AURKC: variants seen among roughly 807,000 people sequenced by gnomAD.
The protein encoded by AURKC is ARK-3.
A neutral mutation model predicts 29.2 loss-of-function variants in AURKC; 15 were observed. That is an observed-to-expected ratio of 0.51 (90% CI 0.34 to 0.79). The LOEUF (loss-of-function observed/expected upper bound fraction) is 0.79. Among genes scored for constraint, AURKC ranks in the 30% least tolerant of loss-of-function variants. The pLI, the probability that AURKC is intolerant of heterozygous loss-of-function variation, is 0.01. For missense variants in AURKC, 332 were observed against 383.2 expected, an observed-to-expected ratio of 0.87 and a Z score of 1.12; for synonymous variants, 150 against 149.9, an observed-to-expected ratio of 1.00 and a Z score of -0.01.
In AURKC at chr19:57,235,451, C is replaced by A; in HGVS notation, c.*34C>A. Reference sequence around the variant, plus strand: ...TGCCTCTGTTCCCTTTGTGTGTGTTCAGGGAGCTCTCCTGGCTCTGCCACC... The same window carrying A: ...TGCCTCTGTTCCCTTTGTGTGTGTTAAGGGAGCTCTCCTGGCTCTGCCACC... On this transcript the variant is annotated 3_prime_UTR_variant, in exon 7 of 7. Coordinates refer to ENST00000302804, the MANE Select transcript of AURKC (RefSeq NM_001015878.2). The A allele has an allele frequency of 6.2e-7, 1 of 1,612,040 alleles. No individual in the cohort carries two copies. Among genetic ancestry groups the A allele is most frequent in the South Asian group, 1.1e-5 (1 of 90,986 alleles).
chr19:57,231,620 CCTT>C (rs2087491340), intron 1 of AURKC, 119 bp from the exon 2 acceptor site: 1 of 1,073,686 alleles, frequency 9.3e-7, no homozygotes, highest in Non-Finnish European at 1.4e-6. Flanking sequence ...TCTCTCCTCC[CCTT>C]CTTCCCCTCA....
chr19:57,234,846 T>C, intron 5 of AURKC, 38 bp from the exon 6 acceptor site: 1 of 1,613,304 alleles, frequency 6.2e-7, no homozygotes, highest in Non-Finnish European at 8.5e-7. Flanking sequence ...ATCCTGGGCC[T>C]CTGCTTAGTA....
Position 57,232,044 on chromosome 19 carries a change from C to G in AURKC, c.116C>G (p.Thr39Arg). 6.2e-7 allele frequency: 1 copy of G among 1,614,158 alleles called. No homozygotes were observed. The highest frequency in any genetic ancestry group is 8.5e-7 in the Non-Finnish European group (1 of 1,180,028). Reference protein sequence around the residue: ...QPSSPAMRRLTVDDFEIGRPL... With the variant: ...QPSSPAMRRLRVDDFEIGRPL... ...TCCTCTCCTGTCAGGCGGCGCCTCA[C>G]AGTCGATGACTTTGAAATCGGGCGT... Residue 39 changes from threonine (T) to arginine (R), a missense_variant, in exon 3 of 7, where the codon ACA becomes AGA. Thr to Arg is a moderately conservative substitution (Grantham distance 71). Transcript: ENST00000302804. This position sits in a 1 kb window ranked among gnomAD's most constrained non-coding sequence, Gnocchi z 4.5.
chr19:57,231,395 C>T, intron 1 of AURKC, 89 bp downstream of exon 1: 1 of 1,384,892 alleles, frequency 7.2e-7, no homozygotes, highest in Non-Finnish European at 1.0e-6. Flanking sequence ...GTTGACATCT[C>T]CCCTCCCTCT....
At chr19:57,233,095 A>G (rs1019128129) in intron 4 of AURKC, among the ~76,000 whole-genome samples, 1 of 152,216 alleles carries the variant, frequency 6.6e-6, no homozygotes, top group Admixed American at 6.5e-5. Flanking sequence ...TGGTCCAATC[A>G]GCTTGCTGTG....
chr19:57,232,740 C>A lies in AURKC; in HGVS notation c.435+60C>A. 2 of 1,608,548 alleles carry A rather than the reference C, an allele frequency of 1.2e-6. No individual in the cohort carries two copies. Among genetic ancestry groups the A allele is most frequent in the South Asian group, 2.2e-5 (2 of 90,814 alleles). ...AGTTTACTGTGGGCTGGTGGGAGCT[C>A]TGTTTGTGGCTGTCAGGAGGGTCCG... On this transcript the variant is annotated intron_variant, in intron 4 of 6. Coordinates refer to ENST00000302804, the MANE Select transcript of AURKC (RefSeq NM_001015878.2). The surrounding 1 kb of genome is among the most constrained non-coding windows in gnomAD (Gnocchi z 4.5).
Position 57,235,007 on chromosome 19 carries a change from T to C in AURKC, c.708T>C (p.Tyr236=). 1 of 1,614,158 alleles carries C rather than the reference T, an allele frequency of 6.2e-7. No individual in the cohort carries two copies. Among genetic ancestry groups the C allele is most frequent in the Non-Finnish European group, 8.5e-7 (1 of 1,180,020 alleles). ...GVLCYELLVG[Y]PPFESASHSE... is the part of the protein sequence containing the mutation. Reference sequence around the variant, plus strand: ...TCTGCTATGAGCTGCTGGTGGGATATCCACCCTTTGAGAGCGCCTCCCACA... The same window carrying C: ...TCTGCTATGAGCTGCTGGTGGGATACCCACCCTTTGAGAGCGCCTCCCACA... Residue 236 remains tyrosine, a synonymous_variant, in exon 6 of 7, where the codon TAT becomes TAC. Transcript: ENST00000302804.
At position 57,231,281 on chromosome 19, in the gene AURKC, C is replaced by T. The variant is rs1243403970; in HGVS notation, c.33C>T (p.Gly11=). Residue 11 remains glycine, a synonymous_variant, in exon 1 of 7, where the codon GGC becomes GGT. Coordinates refer to ENST00000302804, the MANE Select transcript of AURKC (RefSeq NM_001015878.2). MSSPRAVVQL[G]KAQPAGEELA... Reference sequence around the variant, plus strand: ...CCCCCAGAGCTGTGGTGCAGCTGGGCAAAGCTCAACCTGCAGGCGAAGAGT... The same window carrying T: ...CCCCCAGAGCTGTGGTGCAGCTGGGTAAAGCTCAACCTGCAGGCGAAGAGT... The T allele has an allele frequency of 6.4e-7, 1 of 1,552,910 alleles. No homozygotes were observed. The highest frequency in any genetic ancestry group is 2.4e-5 in the East Asian group (1 of 40,952).
intron 5 of AURKC, among the ~76,000 whole-genome samples, chr19:57,234,274 T>TC (rs1422384517): frequency 6.6e-6 from 1 of 152,074 alleles, no homozygotes; most frequent in Non-Finnish European, 1.5e-5. Context: ...CAGGCTGGTC[T>TC]CCAACTCCTG....
At chr19:57,234,778 C>G (rs2087529576) in intron 5 of AURKC, 106 bp from the exon 6 acceptor site, 1 of 1,403,882 alleles carries the variant, frequency 7.1e-7, no homozygotes, top group Non-Finnish European at 9.9e-7. Context: ...GAGGGACTTT[C>G]CAGGGTGTCC....
At position 57,232,764 on chromosome 19, in the gene AURKC, C is replaced by T. The variant is rs7246343; in HGVS notation, c.435+84C>T. The T allele has an allele frequency of 9.9e-4, 1,541 of 1,560,278 alleles. 10 individuals carry two copies. In the African/African-American group the frequency reaches 0.016, roughly 17 times the overall value. On this transcript the variant is annotated intron_variant, in intron 4 of 6. Coordinates refer to ENST00000302804, the MANE Select transcript of AURKC (RefSeq NM_001015878.2). This position sits in a 1 kb window ranked among gnomAD's most constrained non-coding sequence, Gnocchi z 4.5. ...TCTGTTTGTGGCTGTCAGGAGGGTC[C>T]GCATTGCCTTCTGAGAAGTTTACTT...
chr19:57,233,751 TTTC>T, intron 5 of AURKC, 143 bp downstream of exon 5: 3 of 1,210,404 alleles, frequency 2.5e-6, no homozygotes, highest in African/African-American at 3.1e-5. Context: ...TTTCTTTTCT[TTTC>T]TTTTTTTTTT....
Position 57,233,612 on chromosome 19 carries a change from G to A in AURKC, c.584+4G>A. On this transcript the variant is annotated splice_donor_region_variant and intron_variant, in intron 5 of 6. Transcript: ENST00000302804. ...CTGTGCACACCCCCTCCCTGAGGTA[G>A]GTCAGGTGGTGGTGGTAGGGTGAGT... 6.2e-7 allele frequency: 1 copy of A among 1,613,530 alleles called. No homozygotes were observed. The highest frequency in any genetic ancestry group is 8.5e-7 in the Non-Finnish European group (1 of 1,179,974).
intron 5 of AURKC, 146 bp downstream of exon 5, chr19:57,233,754 CT>C (rs779336470): frequency 0.055 from 46,616 of 854,784 alleles, 329 homozygotes; most frequent in Middle Eastern, 0.088. Context: ...CTTTTCTTTT[CT>C]TTTTTTTTTT....
chr19:57,231,724 C>T lies in AURKC; in HGVS notation c.59-18C>T. 1.2e-6 allele frequency: 2 copies of T among 1,613,700 alleles called. No individual in the cohort carries two copies. Among genetic ancestry groups the T allele is most frequent in the Non-Finnish European group, 1.7e-6 (2 of 1,179,826 alleles). ...CTCCCCTCTCCCTTCCTATCTCCCTCCTCCTCCTCTCTTTCAGTGGCTACA... is the reference window on the plus strand; with the variant it reads ...CTCCCCTCTCCCTTCCTATCTCCCTTCTCCTCCTCTCTTTCAGTGGCTACA... On this transcript the variant is annotated intron_variant, in intron 1 of 6. Transcript: ENST00000302804.
intron 4 of AURKC, 36 bp from the exon 5 acceptor site, chr19:57,233,424 C>T: frequency 6.2e-7 from 1 of 1,613,836 alleles, no homozygotes; most frequent in Non-Finnish European, 8.5e-7. Context: ...TTGTGGCAGG[C>T]TTCACTTCCA....
chr19:57,235,013 C>CT lies in AURKC; in HGVS notation c.717dup (p.Glu240Ter). ...ATGAGCTGCTGGTGGGATATCCACCCTTTGAGAGCGCCTCCCACAGTGAGA... is the reference window on the plus strand; with the variant it reads ...ATGAGCTGCTGGTGGGATATCCACCCTTTTGAGAGCGCCTCCCACAGTGAGA... On this transcript the variant is annotated frameshift_variant, in exon 6 of 7. Coordinates refer to ENST00000302804, the MANE Select transcript of AURKC (RefSeq NM_001015878.2). LOFTEE classifies it low-confidence loss of function (END_TRUNC). The CT allele has an allele frequency of 6.2e-7, 1 of 1,614,178 alleles. No homozygotes were observed. Among genetic ancestry groups the CT allele is most frequent in the South Asian group, 1.1e-5 (1 of 91,080 alleles).
At chr19:57,233,703 A>G in intron 5 of AURKC, 95 bp downstream of exon 5, 1 of 1,551,540 alleles carries the variant, frequency 6.4e-7, no homozygotes, top group Non-Finnish European at 8.9e-7. Flanking sequence ...AAACCTAGAT[A>G]CGAACTTGGG....
intron 1 of AURKC, 42 bp downstream of exon 1, chr19:57,231,348 G>A: frequency 6.5e-7 from 1 of 1,549,592 alleles, no homozygotes; most frequent in Non-Finnish European, 8.7e-7. Context: ...GAAGGCTGGG[G>A]ACTGGGCCAG....
Sources: gnomAD v4.1 joint callset for allele counts (sites outside exome capture counted in the v4.1 genomes callset) on GRCh38, gnomAD v4.1.1 for gene constraint, Gnocchi (gnomAD v3.1) non-coding constraint, MANE v1.5 for transcripts, NCBI Gene and HGNC (gene_info 2026-07-23, HGNC 2026-07-21) for gene names.